VPS13D: variants seen among roughly 807,000 people sequenced by gnomAD.
VPS13D encodes the protein vacuolar protein sorting 13 homolog D, also known as intermembrane lipid transfer protein VPS13D.
Under a neutral mutation model 461.9 loss-of-function variants are expected in VPS13D, and 187 were observed. The ratio of observed to expected loss-of-function variants is 0.40; its 90% CI spans 0.36 to 0.46. The LOEUF is 0.46. Among genes scored for constraint, VPS13D ranks in the 20% least tolerant of loss-of-function variants. The probability of loss-of-function intolerance (pLI) is 0.60; values close to 1 mark genes in which losing one functional copy is unlikely to be tolerated. For synonymous variants in VPS13D, 1,951 were observed against 1,986.3 expected, an observed-to-expected ratio of 0.98 and a Z score of 0.47; for missense variants, 4,711 against 5,364.9, an observed-to-expected ratio of 0.88 and a Z score of 3.81.
chr1:12,383,345 C>T (rs897634754), intron 58 of VPS13D, among the ~76,000 whole-genome samples, 190 bp downstream of exon 58: 8 of 151,832 alleles, frequency 5.3e-5, no homozygotes, highest in African/African-American at 9.7e-5. Flanking sequence ...AAAAGATAAG[C>T]GTAAAGTATA....
chr1:12,265,858 T>A (rs954065079), intron 13 of VPS13D, among the ~76,000 whole-genome samples: 2 of 152,206 alleles, frequency 1.3e-5, no homozygotes, highest in African/African-American at 4.8e-5. Flanking sequence ...CTATGAACAC[T>A]GTTGAAATGA....
chr1:12,273,229 A>T, intron 18 of VPS13D, 94 bp downstream of exon 18: 1 of 1,428,748 alleles, frequency 7.0e-7, no homozygotes, highest in Non-Finnish European at 9.3e-7. Flanking sequence ...ATGTTTATGT[A>T]ACATTTTTAT....
chr1:12,494,651 A>T (rs1557476314), intron 67 of VPS13D, among the ~76,000 whole-genome samples: 1 of 152,130 alleles, frequency 6.6e-6, no homozygotes, highest in African/African-American at 2.4e-5. Flanking sequence ...CTCAGCTTTG[A>T]GTACTAATGA....
At chr1:12,434,264 TG>T (rs1441659934) in intron 65 of VPS13D, among the ~76,000 whole-genome samples, 1 of 152,100 alleles carries the variant, frequency 6.6e-6, no homozygotes, top group African/African-American at 2.4e-5. Flanking sequence ...TCTCTGACTT[TG>T]ACACATCAAG....
At chr1:12,496,874 T>C (rs532289903) in intron 67 of VPS13D, among the ~76,000 whole-genome samples, 2 of 152,204 alleles carry the variant, frequency 1.3e-5, no homozygotes, top group South Asian at 4.2e-4. Flanking sequence ...CAGGTCCAGG[T>C]CCAGGTCCAG....
At chr1:12,340,566 A>G (rs190792703) in intron 40 of VPS13D, among the ~76,000 whole-genome samples, 21 of 152,368 alleles carry the variant, frequency 1.4e-4, no homozygotes, top group South Asian at 4.1e-4. Context: ...AAGGCAGGAC[A>G]TGTTGCAGTT....
intron 65 of VPS13D, among the ~76,000 whole-genome samples, chr1:12,428,034 T>C (rs1644943836): frequency 6.6e-6 from 1 of 152,258 alleles, no homozygotes; most frequent in Admixed American, 6.5e-5. Flanking sequence ...ATAATTCTTG[T>C]AGCAGTTTTT....
At position 12,333,480 on chromosome 1, in the gene VPS13D, C is replaced by T. The variant is rs1403362714; in HGVS notation, c.8428+114C>T. ...CCTGGGCCTGTACCAGGCATCACTT[C>T]TTCATCCTGACTGCTTTCCTGATCA... On this transcript the variant is annotated intron_variant, in intron 38 of 69. Coordinates refer to ENST00000620676, the MANE Select transcript of VPS13D (RefSeq NM_015378.4). The T allele has an allele frequency of 2.3e-6, 3 of 1,317,492 alleles. No homozygotes were observed. The Admixed American group carries it at 6.7e-5, about 30-fold the overall frequency. The allele number at this position is 1,317,492 out of a possible 1,614,324, so 81.6% of individuals were successfully genotyped here. A position where few individuals can be genotyped will look rare whatever the true frequency, so the allele number is the denominator to read the frequency against.
rs1643225909 is a variant in VPS13D, at chr1:12,327,664, A to G, written c.8007A>G (p.Ala2669=). ...TCTTTGAAGGCCAATTGAAAAAGGC[A>G]GCAAGTTGGTTGTTTAAGAATGCGG... ...LLACQGQLKK[A]ASWLFKNAEP... is the part of the protein sequence containing the mutation. Residue 2669 remains alanine, a synonymous_variant, in exon 36 of 70, where the codon GCA becomes GCG. Transcript: ENST00000620676. 2 of 1,614,144 alleles carry G rather than the reference A, an allele frequency of 1.2e-6. No homozygotes were observed.
At chr1:12,444,240 T>C (rs115796540) in intron 65 of VPS13D, among the ~76,000 whole-genome samples, 3,459 of 152,334 alleles carry the variant, frequency 0.023, 63 homozygotes, top group African/African-American at 0.038. Context: ...GTTCCATCCA[T>C]TTCTCTTGAA....
chr1:12,342,244 A>G (rs1265104162), intron 41 of VPS13D, among the ~76,000 whole-genome samples: 1 of 152,152 alleles, frequency 6.6e-6, no homozygotes, highest in Non-Finnish European at 1.5e-5. Context: ...ATGTTTTGCC[A>G]TTTTATTCCA....
At chr1:12,404,108 T>G (rs1386712919) in intron 63 of VPS13D, 135 bp downstream of exon 63, 7 of 656,678 alleles carry the variant, frequency 1.1e-5, no homozygotes, top group Non-Finnish European at 1.6e-5. Flanking sequence ...ATAGCAGACA[T>G]TTTATTTTTA....
At chr1:12,368,338 G>A (rs927025558) in intron 52 of VPS13D, 130 bp from the exon 53 acceptor site, 98 of 1,078,402 alleles carry the variant, frequency 9.1e-5, no homozygotes, top group Middle Eastern at 3.2e-4. Flanking sequence ...GGAACACACA[G>A]TGGGCTGTAA....
intron 6 of VPS13D, among the ~76,000 whole-genome samples, chr1:12,250,718 G>A (rs1640706827): frequency 6.6e-6 from 1 of 152,260 alleles, no homozygotes; most frequent in Non-Finnish European, 1.5e-5. Flanking sequence ...ACTACGGCAC[G>A]AGAGGCGGAG....
In VPS13D at chr1:12,311,940, A is replaced by G. The variant is rs1285903381; in HGVS notation, c.6935+15A>G. 6.3e-7 allele frequency: 1 copy of G among 1,588,256 alleles called. No individual in the cohort carries two copies. The highest frequency in any genetic ancestry group is 8.6e-7 in the Non-Finnish European group (1 of 1,157,568). On this transcript the variant is annotated intron_variant, in intron 29 of 69. Transcript: ENST00000620676. ...TCCCTAGCCAGGTATGCCTTTGATTATATTATTATACTGTTAGTAACAGTA... is the reference window on the plus strand; with the variant it reads ...TCCCTAGCCAGGTATGCCTTTGATTGTATTATTATACTGTTAGTAACAGTA...
rs1343866131 is a variant in VPS13D, at chr1:12,275,976, A to G, written c.2388A>G (p.Gly796=). Residue 796 remains glycine, a synonymous_variant, in exon 19 of 70, where the codon GGA becomes GGG. Transcript: ENST00000620676. ...GAGAGAAAACACCTCCCTTTTCTGG[A>G]GTTGAGTTCAGTGAAGAACAGCTTC... The part of the protein sequence containing the change: ...SNGEKTPPFS[G]VEFSEEQLQA... 1.2e-6 allele frequency: 2 copies of G among 1,613,794 alleles called. No homozygotes were observed. The highest frequency in any genetic ancestry group is 1.7e-6 in the Non-Finnish European group (2 of 1,180,014).
At chr1:12,324,448 G>C (rs771533420) in intron 35 of VPS13D, among the ~76,000 whole-genome samples, 8 of 152,162 alleles carry the variant, frequency 5.3e-5, no homozygotes, top group African/African-American at 1.4e-4. Flanking sequence ...AGGTTGCAGT[G>C]AGCCAAGATC....
intron 68 of VPS13D, 31 bp downstream of exon 68, chr1:12,497,662 G>A (rs546704956): frequency 6.3e-7 from 1 of 1,596,580 alleles, no homozygotes; most frequent in African/African-American, 1.3e-5. Flanking sequence ...CCAGCCCTGT[G>A]GGTCTACTGA....
chr1:12,245,075 G>A (rs554946945), intron 5 of VPS13D, among the ~76,000 whole-genome samples: 2 of 152,276 alleles, frequency 1.3e-5, no homozygotes, highest in East Asian at 3.9e-4. Context: ...GTGAAATTGC[G>A]AACAGCTCAC....
Sources: allele counts gnomAD v4.1 joint callset (sites outside exome capture counted in the v4.1 genomes callset), GRCh38; gene constraint gnomAD v4.1.1; transcripts MANE v1.5; gene names NCBI Gene and HGNC (gene_info 2026-07-23, HGNC 2026-07-21).